The following ATRNL1 variants were observed in gnomAD, a reference collection of about 807,000 sequenced individuals.
The protein encoded by ATRNL1 is attractin like 1, also known as attractin-like protein 1.
A neutral mutation model predicts 182.7 loss-of-function variants in ATRNL1; 95 were observed. That is an observed-to-expected ratio of 0.52 (90% CI 0.44 to 0.62). ATRNL1 has a LOEUF of 0.62. Among genes scored for constraint, ATRNL1 ranks in the 20% least tolerant of loss-of-function variants. The probability of loss-of-function intolerance (pLI) is 0.00; values close to 1 mark genes in which losing one functional copy is unlikely to be tolerated. For synonymous variants in ATRNL1, 576 were observed against 568.3 expected (o/e 1.01, Z -0.19); for missense variants, 1,471 against 1,679.5 (o/e 0.88, Z 2.17).
intron 19 of ATRNL1, among the ~76,000 whole-genome samples, chr10:115,393,806 G>A (rs188089139): frequency 6.6e-6 from 1 of 152,218 alleles, no homozygotes; most frequent in Admixed American, 6.5e-5. Flanking sequence ...TTGACTGGAT[G>A]TTGGACATAA....
intron 27 of ATRNL1, among the ~76,000 whole-genome samples, chr10:115,800,056 A>G (rs1230717701): frequency 3.3e-5 from 5 of 152,044 alleles, no homozygotes; most frequent in Non-Finnish European, 4.4e-5. Flanking sequence ...CCCTGTCTCT[A>G]CTAAAAATAC....
rs186343217 is a variant in ATRNL1, at chr10:115,130,534, T to C, written c.829+999T>C. Among the ~76,000 whole-genome samples, 1,113 of 152,186 alleles carry C rather than the reference T, an allele frequency of 7.3e-3. 8 individuals carry two copies. Among genetic ancestry groups the C allele is most frequent in the South Asian group, 0.025 (119 of 4,818 alleles). On this transcript the variant is annotated intron_variant, in intron 5 of 28. Transcript: ENST00000355044. ...GCTCATGTTAGCTCATTAAAAAATATTAGGTATGTCAACTGCACAAAAGAT... is the reference window on the plus strand; with the variant it reads ...GCTCATGTTAGCTCATTAAAAAATACTAGGTATGTCAACTGCACAAAAGAT...
chr10:115,389,420 G>A (rs1194605415), intron 19 of ATRNL1, among the ~76,000 whole-genome samples: 1 of 150,082 alleles, frequency 6.7e-6, no homozygotes, highest in Admixed American at 6.6e-5. Context: ...GGCTGAGGCA[G>A]GAGAATTGCT....
chr10:115,244,167 AT>A (rs1233597371), intron 10 of ATRNL1, among the ~76,000 whole-genome samples: 3 of 152,108 alleles, frequency 2.0e-5, no homozygotes, highest in Non-Finnish European at 4.4e-5. Context: ...TTTTTGGTGC[AT>A]TTATGGAAGG....
intron 24 of ATRNL1, among the ~76,000 whole-genome samples, chr10:115,501,128 T>A (rs1356873623): frequency 1.3e-5 from 2 of 151,868 alleles, no homozygotes; most frequent in African/African-American, 4.8e-5. Context: ...GAGACAGGGT[T>A]TCACCATGTT....
chr10:115,227,095 G>A (rs1349248020), intron 9 of ATRNL1, among the ~76,000 whole-genome samples: 1 of 152,010 alleles, frequency 6.6e-6, no homozygotes, highest in Non-Finnish European at 1.5e-5. Flanking sequence ...AAACTACAGA[G>A]CTCTTCACAG....
At position 115,880,118 on chromosome 10, in the gene ATRNL1, C is replaced by T. The variant is rs1311581814; in HGVS notation, c.4018+32127C>T. The stretch of plus-strand genomic sequence containing the variant: ...TATTTCCCAGGATAAAGTCATCCTG[C>T]TGGAGGCTTTCAGTAGAGTGCTTCA... On this transcript the variant is annotated intron_variant, in intron 28 of 28. Coordinates refer to ENST00000355044, the MANE Select transcript of ATRNL1 (RefSeq NM_207303.4). Among the ~76,000 whole-genome samples, 3 of 152,192 alleles carry T rather than the reference C, an allele frequency of 2.0e-5. No individual in the cohort carries two copies. In the East Asian group the frequency reaches 5.8e-4, roughly 29 times the overall value.
intron 26 of ATRNL1, among the ~76,000 whole-genome samples, chr10:115,621,276 T>TATATATATATATAGAGAGAGAG (rs1268020830): frequency 2.1e-5 from 1 of 47,578 alleles, no homozygotes; most frequent in African/African-American, 7.4e-5. Flanking sequence ...TATATATATA[T>TATATATATATATAGAGAGAGAG]AGAGAGAGAG....
chr10:115,219,606 A>G (rs147958310), intron 9 of ATRNL1, among the ~76,000 whole-genome samples: 100 of 152,310 alleles, frequency 6.6e-4, no homozygotes, highest in African/African-American at 2.0e-3. Context: ...GTTGTCAACA[A>G]AAGTTCACAT....
chr10:115,125,586 A>G (rs980124322), intron 3 of ATRNL1, among the ~76,000 whole-genome samples: 2 of 152,028 alleles, frequency 1.3e-5, no homozygotes, highest in Non-Finnish European at 2.9e-5. Context: ...GAGGCCTAGA[A>G]AGATTATATT....
chr10:115,303,181 AG>A (rs1430642379), intron 17 of ATRNL1, among the ~76,000 whole-genome samples: 28 of 149,202 alleles, frequency 1.9e-4, no homozygotes, highest in African/African-American at 6.7e-4. Context: ...CTACCACCAT[AG>A]AAAGCTGCAG....
At chr10:115,860,661 C>T (rs1300566849) in intron 28 of ATRNL1, among the ~76,000 whole-genome samples, 1 of 152,194 alleles carries the variant, frequency 6.6e-6, no homozygotes, top group Non-Finnish European at 1.5e-5. Context: ...GCAGCCACAG[C>T]TGGTGACCCT....
chr10:115,332,230 A>T (rs78052467), intron 18 of ATRNL1, among the ~76,000 whole-genome samples: 1,961 of 152,094 alleles, frequency 0.013, 35 homozygotes, highest in African/African-American at 0.044. Flanking sequence ...GGGCTTGGGG[A>T]TGGGGTATTG....
At chr10:115,633,372 TG>T (rs1341055132) in intron 26 of ATRNL1, among the ~76,000 whole-genome samples, 1 of 152,242 alleles carries the variant, frequency 6.6e-6, no homozygotes, top group African/African-American at 2.4e-5. Flanking sequence ...TTTGTACATT[TG>T]ATTGTTTGGG....
At chr10:115,748,008 T>C (rs1188853030) in intron 27 of ATRNL1, among the ~76,000 whole-genome samples, 1 of 152,128 alleles carries the variant, frequency 6.6e-6, no homozygotes, top group Non-Finnish European at 1.5e-5. Context: ...ACACCAGGAC[T>C]TTGTAGATTA....
Position 115,315,673 on chromosome 10 carries a change from G to C in ATRNL1, c.2974G>C (p.Val992Leu). The C allele has an allele frequency of 6.2e-7, 1 of 1,613,858 alleles. No individual in the cohort carries two copies. The highest frequency in any genetic ancestry group is 8.5e-7 in the Non-Finnish European group (1 of 1,179,918). Reference sequence around the variant, plus strand: ...TATTGGAATGCACCACAGTGAGATGGTTCTTGACACCAATCTTTGCCCCAA... The same window carrying C: ...TATTGGAATGCACCACAGTGAGATGCTTCTTGACACCAATCTTTGCCCCAA... ...KLIGMHHSEM[V>L]LDTNLCPKEK... is the part of the protein sequence containing the mutation. Residue 992 changes from valine (V) to leucine (L), a missense_variant, in exon 18 of 29, where the codon GTT becomes CTT. Physicochemically the swap from Val to Leu is conservative, Grantham distance 32 (BLOSUM62 1). This residue lies in a region of ATRNL1 where 437 missense variants were observed against 506.0 expected (regional missense o/e 0.86). Coordinates refer to ENST00000355044, the MANE Select transcript of ATRNL1 (RefSeq NM_207303.4).
chr10:115,546,370 C>A (rs113475364), intron 25 of ATRNL1, among the ~76,000 whole-genome samples: 10,549 of 151,872 alleles, frequency 0.069, 1,202 homozygotes, highest in African/African-American at 0.24. Context: ...CGAGACTATC[C>A]TGGCCAACAT....
chr10:115,455,460 C>T (rs1450607022), intron 21 of ATRNL1, among the ~76,000 whole-genome samples: 1 of 152,150 alleles, frequency 6.6e-6, no homozygotes, highest in Non-Finnish European at 1.5e-5. Flanking sequence ...TGGACCCCTT[C>T]CTTACACCTT....
At chr10:115,217,951 A>G (rs1002342026) in intron 9 of ATRNL1, among the ~76,000 whole-genome samples, 1 of 152,040 alleles carries the variant, frequency 6.6e-6, no homozygotes, top group African/African-American at 2.4e-5. Context: ...TATATGGATT[A>G]TGTCAGTGGT....
Sources: gnomAD v4.1 joint callset for allele counts (sites outside exome capture counted in the v4.1 genomes callset) on GRCh38, gnomAD v4.1.1 for gene constraint, gnomAD v4.1.1 regional missense constraint, MANE v1.5 for transcripts, NCBI Gene and HGNC (gene_info 2026-07-23, HGNC 2026-07-21) for gene names.